The following TRPM1 variants were observed in gnomAD, a reference collection of about 807,000 sequenced individuals.
The protein encoded by TRPM1 is TRPM1-203 APA Isoform, Intron 10.
In TRPM1, 113 loss-of-function variants were observed where a neutral mutation model predicts 149.4. The observed-to-expected ratio is 0.76, with a 90% CI of 0.65 to 0.88. The LOEUF is 0.88. Ranked by LOEUF, TRPM1 falls within the 40% of genes least tolerant of loss-of-function variation. TRPM1 has a pLI of 0.00. For missense variants in TRPM1, 1,976 were observed against 2,038.7 expected, an observed-to-expected ratio of 0.97 and a Z score of 0.59; for synonymous variants, 741 against 759.5, an observed-to-expected ratio of 0.98 and a Z score of 0.40.
At chr15:31,058,207 C>G (rs1027586961) in intron 11 of TRPM1, among the ~76,000 whole-genome samples, 7 of 151,260 alleles carry the variant, frequency 4.6e-5, no homozygotes, top group African/African-American at 1.5e-4. Flanking sequence ...AGAATAGATA[C>G]AGCAATGACA....
Position 31,037,744 on chromosome 15 carries a change from A to C in TRPM1, c.2538T>G (p.Tyr846Ter). The change falls in exon 20 of 28, where the codon TAT becomes TAG. Residue 846 changes from tyrosine to a stop codon, truncating the protein, a stop_gained. Coordinates refer to ENST00000256552, the MANE Select transcript of TRPM1 (RefSeq NM_001252024.2). LOFTEE classifies it high-confidence loss of function. ...IPIGTKICEF[Y>*]NAPIVKFWFY... ...ACCAGAACTTGACAATGGGCGCGTT[A>C]TAGAATTCACAGATCTTTGTTCCGA... 1 of 1,614,256 alleles carries C rather than the reference A, an allele frequency of 6.2e-7. No homozygotes were observed. The highest frequency in any genetic ancestry group is 8.5e-7 in the Non-Finnish European group (1 of 1,180,054).
At chr15:31,042,590 A>C (rs1254779643) in intron 16 of TRPM1, among the ~76,000 whole-genome samples, 3 of 152,248 alleles carry the variant, frequency 2.0e-5, no homozygotes, top group Non-Finnish European at 4.4e-5. Context: ...ATCATGGAAG[A>C]GGGAAGGTCT....
At chr15:31,140,988 A>ATT (rs59328191) in intron 1 of TRPM1, among the ~76,000 whole-genome samples, 9 of 141,016 alleles carry the variant, frequency 6.4e-5, no homozygotes, top group South Asian at 4.6e-4. Flanking sequence ...CATCCAGCTA[A>ATT]TTTTTTTTTT....
intron 21 of TRPM1, among the ~76,000 whole-genome samples, chr15:31,035,137 C>T (rs555478795): frequency 4.6e-5 from 7 of 152,034 alleles, no homozygotes; most frequent in Non-Finnish European, 7.4e-5. Context: ...CCTGAGTAGC[C>T]GAAATTACAG....
At chr15:31,005,196 A>C (rs796397503) in intron 27 of TRPM1, among the ~76,000 whole-genome samples, 14 of 152,194 alleles carry the variant, frequency 9.2e-5, no homozygotes, top group African/African-American at 3.4e-4. Flanking sequence ...ATCAAAAAAA[A>C]CCCCACATTG....
Position 31,002,913 on chromosome 15 carries a change from C to A in TRPM1, c.3787G>T (p.Asp1263Tyr). 6.2e-7 allele frequency: 1 copy of A among 1,609,186 alleles called. No individual in the cohort carries two copies. Among genetic ancestry groups the A allele is most frequent in the Non-Finnish European group, 8.5e-7 (1 of 1,176,794 alleles). The change falls in exon 28 of 28, where the codon GAC (aspartate) becomes TAC (tyrosine). Residue 1263 changes from aspartate to tyrosine, a missense_variant. By Grantham distance (160) the Asp-to-Tyr change is radical. This residue lies in a region of TRPM1 where 572 missense variants were observed against 578.9 expected (regional missense o/e 0.99). Coordinates refer to ENST00000256552, the MANE Select transcript of TRPM1 (RefSeq NM_001252024.2). ...LENLAGIDRSDLIQARSRASS... is the reference protein window; with the variant it reads ...LENLAGIDRSYLIQARSRASS... ...GCCCGGGACCGTGCCTGGATCAGGT[C>A]AGACCTGTCGATTCCCGCAAGATTT...
Position 31,068,744 on chromosome 15 carries a change from C to CAAAAAAAAAAA in TRPM1, c.280-663_280-653dup, listed in dbSNP as rs60411633. On this transcript the variant is annotated intron_variant, in intron 4 of 27. Transcript: ENST00000256552. ...GGGCAACAAGATCGAAACTCCAACT[C>CAAAAAAAAAAA]AAAAAAAAAAAAAAAAAAAAAAAAA... Among the ~76,000 whole-genome samples, 31 of 60,206 alleles carry CAAAAAAAAAAA rather than the reference C, an allele frequency of 5.1e-4. 1 individual carries two copies. The highest frequency in any genetic ancestry group is 5.7e-4 in the Non-Finnish European group (19 of 33,544). The allele number at this position is 60,206 out of a possible 152,430, so 39.5% of individuals were successfully genotyped here.
At position 31,037,958 on chromosome 15, in the gene TRPM1, G is replaced by A. The variant is rs190284538; in HGVS notation, c.2439+86C>T. ...TTCCAAAAATACCTTTAACCAGTGA[G>A]ATTTCTCAATCTGTGGTACAAGAAA... On this transcript the variant is annotated intron_variant, in intron 19 of 27. Transcript: ENST00000256552. 5,596 of 1,612,034 alleles carry A rather than the reference G, an allele frequency of 3.5e-3. 22 individuals are homozygous for A. Among genetic ancestry groups the A allele is most frequent in the Middle Eastern group, 0.012 (73 of 6,038 alleles).
intron 1 of TRPM1, among the ~76,000 whole-genome samples, chr15:31,115,274 G>A (rs1206743416): frequency 1.3e-5 from 2 of 151,772 alleles, no homozygotes; most frequent in African/African-American, 2.4e-5. Context: ...AATAATAATA[G>A]ATAAGTAAAA....
intron 21 of TRPM1, among the ~76,000 whole-genome samples, chr15:31,033,362 TTTTGA>T (rs904167873): frequency 1.3e-5 from 2 of 152,154 alleles, no homozygotes; most frequent in Admixed American, 1.3e-4. Flanking sequence ...CTAGGAAATG[TTTTGA>T]TTTGGCAAAA....
intron 1 of TRPM1, among the ~76,000 whole-genome samples, chr15:31,111,653 A>G (rs35676645): frequency 0.2 from 30,555 of 152,132 alleles, 3,559 homozygotes; most frequent in African/African-American, 0.29. Flanking sequence ...CTCACAGTCC[A>G]CACGGGAAGA....
Position 31,066,167 on chromosome 15 carries a change from C to T in TRPM1, c.699G>A (p.Leu233=). The T allele has an allele frequency of 9.9e-6, 16 of 1,614,170 alleles. No individual in the cohort carries two copies. The highest frequency in any genetic ancestry group is 1.4e-5 in the Non-Finnish European group (16 of 1,180,030). ...ACTTGCCCAGGGTGCCATTGTCAGC[C>T]AGGATGAAGTGGGTGTGGGAGTTGT... is the stretch of plus-strand genomic sequence containing the variant. ...VLNNSHTHFI[L]ADNGTLGKYG... The change falls in exon 7 of 28, where the codon CTG becomes CTA. Residue 233 remains leucine (L), a synonymous_variant. Transcript: ENST00000256552.
intron 1 of TRPM1, among the ~76,000 whole-genome samples, chr15:31,156,483 T>C (rs1220948491): frequency 6.6e-6 from 1 of 152,162 alleles, no homozygotes; most frequent in Non-Finnish European, 1.5e-5. Flanking sequence ...ACTTTGAACT[T>C]CACAACTCCT....
At position 31,061,513 on chromosome 15, in the gene TRPM1, A is replaced by G. The variant is rs1427106610; in HGVS notation, c.1091T>C (p.Val364Ala). 3.1e-6 allele frequency: 5 copies of G among 1,614,014 alleles called. No homozygotes were observed. Among genetic ancestry groups the G allele is most frequent in the Middle Eastern group, 1.6e-4 (1 of 6,084 alleles). Residue 364 changes from valine to alanine, a missense_variant and splice_region_variant, in exon 10 of 28, where the codon GTC becomes GCC. By Grantham distance (64) the Val-to-Ala change is moderately conservative (BLOSUM62 0). Coordinates refer to ENST00000256552, the MANE Select transcript of TRPM1 (RefSeq NM_001252024.2). ...IMECMKKKELVTVFRMGSEGQ... is the reference protein window; with the variant it reads ...IMECMKKKELATVFRMGSEGQ... ...CTCAGAACCCATTCTGAACACAGTG[A>G]CCTGAAAATGTGAAAAGACTGAATT...
chr15:31,118,543 G>A (rs2035833710), intron 1 of TRPM1, among the ~76,000 whole-genome samples: 1 of 152,120 alleles, frequency 6.6e-6, no homozygotes, highest in African/African-American at 2.4e-5. Flanking sequence ...GTCAGTTTGG[G>A]CTGCTATAAG....
At chr15:31,155,975 T>A (rs1303043060) in intron 1 of TRPM1, among the ~76,000 whole-genome samples, 2 of 151,932 alleles carry the variant, frequency 1.3e-5, no homozygotes, top group Admixed American at 1.3e-4. Context: ...GGCAGGTGGA[T>A]CACTTGAGAT....
At chr15:31,088,024 T>C (rs2035048963) in intron 1 of TRPM1, among the ~76,000 whole-genome samples, 1 of 152,224 alleles carries the variant, frequency 6.6e-6, no homozygotes, top group African/African-American at 2.4e-5. Context: ...TTTTAAGAAA[T>C]GCAGCTATCT....
In TRPM1 at chr15:31,109,282, C is replaced by T. The variant is rs568281435; in HGVS notation, c.55-32298G>A. Among the ~76,000 whole-genome samples, 5 of 126,762 alleles carry T rather than the reference C, an allele frequency of 3.9e-5. 1 individual carries two copies. The highest frequency in any genetic ancestry group is 5.0e-4 in the South Asian group (2 of 3,992). 83.2% of individuals were successfully genotyped at this position (126,762 alleles called of 152,430 possible). A position where few individuals can be genotyped will look rare whatever the true frequency, so the allele number is the denominator to read the frequency against. Reference sequence around the variant, plus strand: ...CTGGGAAGCAGAGGTTGCAGTGACCCGAGATCACGCCACTGCACTCCAGCC... The same window carrying T: ...CTGGGAAGCAGAGGTTGCAGTGACCTGAGATCACGCCACTGCACTCCAGCC... On this transcript the variant is annotated intron_variant, in intron 1 of 26. Transcript: ENST00000542188.
chr15:31,072,850 A>G (rs2034595772), intron 3 of TRPM1, among the ~76,000 whole-genome samples: 2 of 152,004 alleles, frequency 1.3e-5, no homozygotes, highest in African/African-American at 2.4e-5. Flanking sequence ...TCCTTTGCCC[A>G]TTTAAAAAAC....
Sources: gnomAD v4.1 joint callset for allele counts (sites outside exome capture counted in the v4.1 genomes callset) on GRCh38, gnomAD v4.1.1 for gene constraint, gnomAD v4.1.1 regional missense constraint, MANE v1.5 for transcripts, NCBI Gene and HGNC (gene_info 2026-07-23, HGNC 2026-07-21) for gene names.